The following TSNAX variants were observed in gnomAD, a reference collection of about 807,000 sequenced individuals.
TSNAX encodes the protein translin associated factor X.
A neutral mutation model predicts 33.0 loss-of-function variants in TSNAX; 12 were observed. The ratio of observed to expected loss-of-function variants is 0.36; its 90% CI spans 0.23 to 0.59. The LOEUF is 0.59. Among genes scored for constraint, TSNAX ranks in the 20% least tolerant of loss-of-function variants. The probability of loss-of-function intolerance (pLI) is 0.74; values close to 1 mark genes in which losing one functional copy is unlikely to be tolerated. For missense variants in TSNAX, 267 were observed against 341.3 expected, an observed-to-expected ratio of 0.78 and a Z score of 1.72; for synonymous variants, 110 against 117.2, an observed-to-expected ratio of 0.94 and a Z score of 0.40.
In TSNAX at chr1:231,528,754, A is replaced by C. The variant is rs1658432434; in HGVS notation, c.-57A>C. Reference sequence around the variant, plus strand: ...GGTTCCCTCGGCCTGTACCTCGCGCACTCCTCTTGCTCCAGGTCCTTCAGT... The same window carrying C: ...GGTTCCCTCGGCCTGTACCTCGCGCCCTCCTCTTGCTCCAGGTCCTTCAGT... On this transcript the variant is annotated 5_prime_UTR_variant, in exon 1 of 6. Coordinates refer to ENST00000366639, the MANE Select transcript of TSNAX (RefSeq NM_005999.3). 1.9e-6 allele frequency: 3 copies of C among 1,611,212 alleles called. No homozygotes were observed. Among genetic ancestry groups the C allele is most frequent in the South Asian group, 2.2e-5 (2 of 90,952 alleles).
intron 3 of TSNAX, among the ~76,000 whole-genome samples, chr1:231,540,173 C>CTAA (rs1659477572): frequency 1.4e-5 from 1 of 70,428 alleles, no homozygotes; most frequent in Non-Finnish European, 3.3e-5. Context: ...GACTCTGTCT[C>CTAA]AAAAAAAAAA....
chr1:231,556,439 G>A lies in TSNAX; in HGVS notation c.368-4689G>A, dbSNP rs1366581137. 3.3e-5 allele frequency among the ~76,000 whole-genome samples: 5 copies of A among 152,374 alleles called. No homozygotes were observed. In the East Asian group the frequency reaches 7.7e-4, roughly 23 times the overall value. ...CTATTTGTTTCTGCAACAAGGCACT[G>A]CTGAATGATACAGAATATTAGTAGT... On this transcript the variant is annotated intron_variant, in intron 4 of 5. Coordinates refer to ENST00000366639, the MANE Select transcript of TSNAX (RefSeq NM_005999.3).
At chr1:231,551,833 A>G (rs965309518) in intron 4 of TSNAX, among the ~76,000 whole-genome samples, 2 of 151,748 alleles carry the variant, frequency 1.3e-5, no homozygotes. Flanking sequence ...AAATAAAAAT[A>G]AAAACACCAT....
intron 4 of TSNAX, among the ~76,000 whole-genome samples, chr1:231,551,073 T>C (rs1660265537): frequency 6.6e-6 from 1 of 152,164 alleles, no homozygotes; most frequent in Admixed American, 6.5e-5. Context: ...ATATTTAAAA[T>C]TTGGGATTTA....
chr1:231,557,967 A>G (rs1239396665), intron 4 of TSNAX, among the ~76,000 whole-genome samples: 1 of 152,162 alleles, frequency 6.6e-6, no homozygotes, highest in Non-Finnish European at 1.5e-5. Flanking sequence ...AGAGAACTCT[A>G]AAGAGTACTG....
At chr1:231,531,461 TTTTA>T in intron 2 of TSNAX, among the ~76,000 whole-genome samples, 1 of 152,378 alleles carries the variant, frequency 6.6e-6, no homozygotes, top group East Asian at 1.9e-4. Flanking sequence ...CATGATTACA[TTTTA>T]TTTGTTTACA....
Position 231,549,484 on chromosome 1 carries a change from C to T in TSNAX, c.367+6873C>T, listed in dbSNP as rs556132603. ...AGTGTAATGGGGATGGGAACTTAAC[C>T]AGGAATATTTAATAGTTGCTGTTAA... On this transcript the variant is annotated intron_variant, in intron 4 of 5. Transcript: ENST00000366639. Among the ~76,000 whole-genome samples, 10 of 152,218 alleles carry T rather than the reference C, an allele frequency of 6.6e-5. No individual in the cohort carries two copies. In the South Asian group the frequency reaches 2.1e-3, roughly 32 times the overall value.
At chr1:231,563,452 T>C (rs562666214) in intron 5 of TSNAX, 8 of 154,972 alleles carry the variant, frequency 5.2e-5, no homozygotes, top group Admixed American at 3.9e-4. Flanking sequence ...GGTACTGTTA[T>C]CCCATTTTAC....
chr1:231,535,182 G>T (rs527426437), intron 2 of TSNAX: 2 of 152,252 alleles, frequency 1.3e-5, no homozygotes, highest in South Asian at 4.1e-4. Context: ...AGATTCTGCG[G>T]GTTATTTTTC....
intron 2 of TSNAX, 59 bp downstream of exon 2, chr1:231,529,418 T>G: frequency 6.5e-7 from 1 of 1,545,482 alleles, no homozygotes; most frequent in Non-Finnish European, 8.9e-7. Flanking sequence ...TTAGCCATGG[T>G]TATGCGCAAG....
rs892828330 is a variant in TSNAX, at chr1:231,560,288, C to G, written c.368-840C>G. 7.4e-5 allele frequency among the ~76,000 whole-genome samples: 11 copies of G among 149,658 alleles called. No individual in the cohort carries two copies. In the South Asian group the frequency reaches 2.3e-3, roughly 32 times the overall value. ...GCCATCGTGAACGGCCCAAATGATT[C>G]TTAATTTTATGTCTCATTTGTTTGA... On this transcript the variant is annotated intron_variant, in intron 4 of 5. Coordinates refer to ENST00000366639, the MANE Select transcript of TSNAX (RefSeq NM_005999.3).
At chr1:231,555,211 G>T (rs941698737) in intron 4 of TSNAX, among the ~76,000 whole-genome samples, 2 of 152,160 alleles carry the variant, frequency 1.3e-5, no homozygotes, top group Non-Finnish European at 2.9e-5. Context: ...GCATACAATA[G>T]AATATTATTC....
At chr1:231,529,910 T>C (rs1193557145) in intron 2 of TSNAX, among the ~76,000 whole-genome samples, 1 of 152,256 alleles carries the variant, frequency 6.6e-6, no homozygotes, top group Non-Finnish European at 1.5e-5. Flanking sequence ...GTCTATCCAC[T>C]ATCCTGTACC....
At chr1:231,531,392 G>A (rs1401953444) in intron 2 of TSNAX, among the ~76,000 whole-genome samples, 2 of 152,196 alleles carry the variant, frequency 1.3e-5, no homozygotes, top group African/African-American at 2.4e-5. Flanking sequence ...GCATGTATTA[G>A]TAGTGAACAA....
At chr1:231,543,346 T>A (rs918358312) in intron 4 of TSNAX, among the ~76,000 whole-genome samples, 4 of 151,644 alleles carry the variant, frequency 2.6e-5, no homozygotes, top group African/African-American at 9.7e-5. Flanking sequence ...CAGTATCCCT[T>A]ATCCAAAATG....
At chr1:231,552,321 T>C (rs1355683480) in intron 4 of TSNAX, among the ~76,000 whole-genome samples, 3 of 152,006 alleles carry the variant, frequency 2.0e-5, no homozygotes, top group Non-Finnish European at 4.4e-5. Flanking sequence ...AAAACCCTAC[T>C]CAGACAAAAT....
In TSNAX at chr1:231,561,175, A is replaced by G. The variant is rs765236626; in HGVS notation, c.415A>G (p.Thr139Ala). The change falls in exon 5 of 6, where the codon ACA (threonine) becomes GCA (alanine). Residue 139 changes from threonine (T) to alanine (A), a missense_variant. By Grantham distance (58) the Thr-to-Ala change is moderately conservative. Around this residue, in one of 2 missense-constraint regions of TSNAX, gnomAD observed 200 missense variants for 214.1 expected, o/e 0.93. Coordinates refer to ENST00000366639, the MANE Select transcript of TSNAX (RefSeq NM_005999.3). The stretch of plus-strand genomic sequence containing the variant: ...TGTCTCTTTTCAACACTTCATCAAA[A>G]CACGATCATTAATTAGTATGGATGA... The part of the protein sequence containing the change: ...EAVSFQHFIK[T>A]RSLISMDEIN... 1 of 1,610,416 alleles carries G rather than the reference A, an allele frequency of 6.2e-7. No homozygotes were observed.
In TSNAX at chr1:231,561,238, G is replaced by A. The variant is rs1163829764; in HGVS notation, c.478G>A (p.Gly160Arg). The A allele has an allele frequency of 6.5e-7, 1 of 1,535,660 alleles. No homozygotes were observed. Among genetic ancestry groups the A allele is most frequent in the South Asian group, 1.2e-5 (1 of 84,368 alleles). ...KQLIFTTEDNGKENKTPSSDA... is the reference protein window; with the variant it reads ...KQLIFTTEDNRKENKTPSSDA... Reference sequence around the variant, plus strand: ...ATTGATATTTACGACTGAAGACAATGGGAAAGAAAATAAAACTGTGAGAAT... The same window carrying A: ...ATTGATATTTACGACTGAAGACAATAGGAAAGAAAATAAAACTGTGAGAAT... The change falls in exon 5 of 6, where the codon GGG (glycine) becomes AGG (arginine). Residue 160 changes from glycine (G) to arginine (R), a missense_variant. Gly to Arg is a moderately radical substitution (Grantham distance 125). This residue lies in a region of TSNAX where 200 missense variants were observed against 214.1 expected (regional missense o/e 0.93). Transcript: ENST00000366639.
At chr1:231,530,474 C>G (rs1658614703) in intron 2 of TSNAX, among the ~76,000 whole-genome samples, 1 of 152,028 alleles carries the variant, frequency 6.6e-6, no homozygotes, top group South Asian at 2.1e-4. Context: ...GCGGGGGGAT[C>G]ACGAGGCCAT....
Sources: allele counts gnomAD v4.1 joint callset (sites outside exome capture counted in the v4.1 genomes callset), GRCh38; gene constraint gnomAD v4.1.1; regional missense constraint gnomAD v4.1.1; transcripts MANE v1.5; gene names NCBI Gene and HGNC (gene_info 2026-07-23, HGNC 2026-07-21).